Variants in FRMD1 observed in about 807,000 individuals in gnomAD.
FRMD1 encodes FERM domain containing 1.
A neutral mutation model predicts 54.9 loss-of-function variants in FRMD1; 51 were observed. The ratio of observed to expected loss-of-function variants is 0.93; its 90% CI spans 0.74 to 1.17. The LOEUF (loss-of-function observed/expected upper bound fraction) is 1.17, where lower values mean the gene tolerates loss of function less well. Ranked by LOEUF, FRMD1 falls within the 50% of genes most tolerant of loss-of-function variation. The probability of loss-of-function intolerance (pLI) is 0.00; values close to 1 mark genes in which losing one functional copy is unlikely to be tolerated. For synonymous variants in FRMD1, 324 were observed against 306.4 expected (o/e 1.06, Z -0.60); for missense variants, 729 against 743.0 (o/e 0.98, Z 0.22).
At chr6:168,075,208 T>C in intron 2 of FRMD1, 37 bp downstream of exon 2, 1 of 1,583,878 alleles carries the variant, frequency 6.3e-7, no homozygotes, top group Non-Finnish European at 8.7e-7. Flanking sequence ...ATGCGGCCCC[T>C]GGGCATTCCT....
At chr6:168,057,613 A>G (rs1799481341) in intron 10 of FRMD1, 1 of 479,208 alleles carries the variant, frequency 2.1e-6, no homozygotes, top group Non-Finnish European at 3.7e-6. Flanking sequence ...GTGGACCTGG[A>G]CTCTTAGCGT....
Position 168,079,046 on chromosome 6 carries a change from G to C in FRMD1, c.49C>G (p.Pro17Ala). The change falls in exon 1 of 11, where the codon CCT (proline) becomes GCT (alanine). Residue 17 changes from proline (P) to alanine (A), a missense_variant. Pro to Ala is a conservative substitution (Grantham distance 27, BLOSUM62 -1). Transcript: ENST00000283309. ...GRGIDPARTN[P>A]DTFPPSGARC... is the part of the protein sequence containing the mutation. The stretch of plus-strand genomic sequence containing the variant: ...GCCCCTGAAGGAGGGAACGTGTCAG[G>C]GTTTGTCCGGGCGGGGTCTATGCCC... The C allele has an allele frequency of 1.2e-6, 2 of 1,610,818 alleles. No individual in the cohort carries two copies. Among genetic ancestry groups the C allele is most frequent in the Non-Finnish European group, 1.7e-6 (2 of 1,179,946 alleles).
chr6:168,084,811 C>T (rs914650948), upstream of FRMD1, among the ~76,000 whole-genome samples: 1 of 152,258 alleles, frequency 6.6e-6, no homozygotes, highest in Non-Finnish European at 1.5e-5. Flanking sequence ...GTCCCATGGT[C>T]GAGAGGTCCC....
intron 1 of FRMD1, among the ~76,000 whole-genome samples, chr6:168,091,144 C>T (rs765013023): frequency 2.0e-5 from 3 of 152,206 alleles, no homozygotes; most frequent in African/African-American, 7.2e-5. Flanking sequence ...CAAAAGATAG[C>T]CCACACCTTC....
At chr6:168,084,640 C>G (rs948861598), upstream of FRMD1, among the ~76,000 whole-genome samples, 9 of 152,226 alleles carry the variant, frequency 5.9e-5, no homozygotes, top group African/African-American at 2.2e-4. Flanking sequence ...GCGTGCAGGA[C>G]CCGGCTCCCT....
At chr6:168,071,217 C>T (rs1027444839) in intron 2 of FRMD1, among the ~76,000 whole-genome samples, 2 of 152,228 alleles carry the variant, frequency 1.3e-5, no homozygotes, top group African/African-American at 4.8e-5. Flanking sequence ...CTGTCTCTGT[C>T]TTATTTTGCC....
At chr6:168,067,885 G>A (rs1396947699) in intron 2 of FRMD1, among the ~76,000 whole-genome samples, 2 of 152,004 alleles carry the variant, frequency 1.3e-5, no homozygotes, top group Non-Finnish European at 2.9e-5. Context: ...CAAGGCAGGA[G>A]GATTGCTTGA....
Position 168,063,732 on chromosome 6 carries a change from A to T in FRMD1, c.673T>A (p.Tyr225Asn), listed in dbSNP as rs1284499707. The change falls in exon 6 of 11, where the codon TAC becomes AAC. Residue 225 changes from tyrosine to asparagine, a missense_variant. By Grantham distance (143) the Tyr-to-Asn change is moderately radical. Transcript: ENST00000283309. ...AGGGTAGGCATGTGCCGGAGGATGTAGTCAATCCCCCTCTTGGTGATGATC... is the reference window on the plus strand; with the variant it reads ...AGGGTAGGCATGTGCCGGAGGATGTTGTCAATCCCCCTCTTGGTGATGATC... ...QWIITKRGID[Y>N]ILRHMPTLHR... 2.5e-6 allele frequency: 4 copies of T among 1,613,058 alleles called. No homozygotes were observed.
intron 1 of FRMD1, among the ~76,000 whole-genome samples, chr6:168,087,564 G>C (rs1320847495): frequency 1.3e-5 from 2 of 152,200 alleles, no homozygotes; most frequent in African/African-American, 4.8e-5. Flanking sequence ...CTGCTGTCCA[G>C]GTGAGGGTGC....
At position 168,060,882 on chromosome 6, in the gene FRMD1, G is replaced by A. The variant is rs1194516794; in HGVS notation, c.1221C>T (p.Leu407=). 6.2e-7 allele frequency: 1 copy of A among 1,613,852 alleles called. No homozygotes were observed. Among genetic ancestry groups the A allele is most frequent in the South Asian group, 1.1e-5 (1 of 91,084 alleles). Residue 407 remains leucine (L), a synonymous_variant, in exon 9 of 11, where the codon CTC becomes CTT. Coordinates refer to ENST00000283309, the MANE Select transcript of FRMD1 (RefSeq NM_024919.6). The stretch of plus-strand genomic sequence containing the variant: ...CCACAGACATCTCTCTGGATTCCCT[G>A]AGCCAGGAGTTGGCCTTGATGCCTG... The part of the protein sequence containing the change: ...YTSGIKANSW[L]RESREMSVDV...
chr6:168,058,701 G>T (rs1345183210), intron 10 of FRMD1, among the ~76,000 whole-genome samples: 3 of 152,184 alleles, frequency 2.0e-5, no homozygotes, highest in Non-Finnish European at 4.4e-5. Flanking sequence ...AGCTCTACAG[G>T]AAGTGGGGGA....
Position 168,063,731 on chromosome 6 carries a change from T to C in FRMD1, c.674A>G (p.Tyr225Cys). 5 of 1,613,182 alleles carry C rather than the reference T, an allele frequency of 3.1e-6. No homozygotes were observed. Among genetic ancestry groups the C allele is most frequent in the Non-Finnish European group, 4.2e-6 (5 of 1,179,482 alleles). ...CAGGGTAGGCATGTGCCGGAGGATG[T>C]AGTCAATCCCCCTCTTGGTGATGAT... Reference protein sequence around the residue: ...QWIITKRGIDYILRHMPTLHR... With the variant: ...QWIITKRGIDCILRHMPTLHR... Residue 225 changes from tyrosine to cysteine, a missense_variant, in exon 6 of 11, where the codon TAC (tyrosine) becomes TGC (cysteine). Transcript: ENST00000283309.
chr6:168,090,505 C>T (rs1800998735), intron 1 of FRMD1, among the ~76,000 whole-genome samples: 1 of 152,224 alleles, frequency 6.6e-6, no homozygotes, highest in Non-Finnish European at 1.5e-5. Context: ...GGCTGCCCAG[C>T]CCATCTTCTC....
At chr6:168,062,595 T>C (rs887824627) in intron 7 of FRMD1, 13 of 1,413,730 alleles carry the variant, frequency 9.2e-6, no homozygotes, top group Non-Finnish European at 1.2e-5. Context: ...GGTGCAGAAT[T>C]GTCCAGAAAA....
chr6:168,057,136 G>T lies in FRMD1; in HGVS notation c.1611C>A (p.Asp537Glu). Residue 537 changes from aspartate (D) to glutamate (E), a missense_variant, in exon 11 of 11, where the codon GAC (aspartate) becomes GAA (glutamate). Asp to Glu is a conservative substitution (Grantham distance 45). Transcript: ENST00000283309. ...CCTGTGGTGGAGCCTCTCCGAACAGGTCCAGGGCGAGACAGTTGCTGGACC... is the reference window on the plus strand; with the variant it reads ...CCTGTGGTGGAGCCTCTCCGAACAGTTCCAGGGCGAGACAGTTGCTGGACC... ...SKRSSNCLAL[D>E]LFGEAPPQEF... 6.5e-7 allele frequency: 1 copy of T among 1,539,824 alleles called. No homozygotes were observed. The highest frequency in any genetic ancestry group is 1.3e-5 in the South Asian group (1 of 77,778).
At chr6:168,065,661 A>AC in intron 4 of FRMD1, 1 of 985,696 alleles carries the variant, frequency 1.0e-6, no homozygotes, top group East Asian at 1.1e-4. Context: ...ATATTCACAC[A>AC]CCCCTCACTC....
At chr6:168,089,528 C>T (rs929944510) in intron 1 of FRMD1, among the ~76,000 whole-genome samples, 3 of 152,192 alleles carry the variant, frequency 2.0e-5, no homozygotes, top group East Asian at 3.9e-4. Flanking sequence ...CAGGAATGGC[C>T]GCCTCCAGGC....
rs1215440256 is a variant in FRMD1 at position 168,055,330 on chromosome 6, T to C, written c.*1767A>G. 1.3e-5 allele frequency: 2 copies of C among 152,966 alleles called. No individual in the cohort carries two copies. The highest frequency in any genetic ancestry group is 2.4e-5 in the African/African-American group (1 of 41,434). The allele number at this position is 152,966 out of a possible 1,614,324, so 9.5% of individuals were successfully genotyped here. On this transcript the variant is annotated 3_prime_UTR_variant, in exon 11 of 11. Transcript: ENST00000283309. Reference sequence around the variant, plus strand: ...ATGTATGGATGTGTGCATGTGTGTGTGTGCATGCGTGTGCATCTGTGTGCA... The same window carrying C: ...ATGTATGGATGTGTGCATGTGTGTGCGTGCATGCGTGTGCATCTGTGTGCA...
At chr6:168,058,448 C>T (rs1204472518) in intron 10 of FRMD1, among the ~76,000 whole-genome samples, 4 of 152,112 alleles carry the variant, frequency 2.6e-5, no homozygotes, top group African/African-American at 9.7e-5. Flanking sequence ...CTCTCTCCAT[C>T]CAGCATCACG....
Sources: gnomAD v4.1 joint callset for allele counts (sites outside exome capture counted in the v4.1 genomes callset) on GRCh38, gnomAD v4.1.1 for gene constraint, MANE v1.5 for transcripts, NCBI Gene and HGNC (gene_info 2026-07-23, HGNC 2026-07-21) for gene names.